The following TTLL4 variants were observed in gnomAD, a reference collection of about 807,000 sequenced individuals.
The protein encoded by TTLL4 is tubulin tyrosine ligase like 4.
A neutral mutation model predicts 122.7 loss-of-function variants in TTLL4; 85 were observed. The ratio of observed to expected loss-of-function variants is 0.69; its 90% confidence interval spans 0.58 to 0.83. TTLL4 has a LOEUF of 0.83. Among genes scored for constraint, TTLL4 ranks in the 40% least tolerant of loss-of-function variants. The probability of loss-of-function intolerance (pLI) is 0.00; values close to 1 mark genes in which losing one functional copy is unlikely to be tolerated. For synonymous variants in TTLL4, 553 were observed against 563.0 expected (o/e 0.98, Z 0.25); for missense variants, 1,363 against 1,488.6 (o/e 0.92, Z 1.39).
rs751921449 is a variant in TTLL4 at position 218,747,194 on chromosome 2, A to G, written c.2166A>G (p.Pro722=). Residue 722 remains proline (P), a splice_region_variant and synonymous_variant, in exon 9 of 20, where the codon CCA becomes CCG. Transcript: ENST00000392102. This position sits in a 1 kb window ranked among gnomAD's most constrained non-coding sequence, Gnocchi z 4.7. ...GCCGCCAAAAGTGGATTGTGAAGCC[A>G]GTGAGTGAATCACAGTGGGCAGGAG... ...SSSRQKWIVK[P]PASARGIGIQ... is the part of the protein sequence containing the mutation. 7 of 1,614,078 alleles carry G rather than the reference A, an allele frequency of 4.3e-6. No individual in the cohort carries two copies. Among genetic ancestry groups the G allele is most frequent in the Non-Finnish European group, 5.9e-6 (7 of 1,180,028 alleles).
downstream of TTLL4, among the ~76,000 whole-genome samples, chr2:218,758,981 C>T (rs1008789557): frequency 1.3e-5 from 2 of 152,212 alleles, no homozygotes; most frequent in African/African-American, 2.4e-5. Flanking sequence ...TGGTGGCTCA[C>T]GCCTATAATC....
intron 1 of TTLL4, among the ~76,000 whole-genome samples, chr2:218,716,171 T>G (rs924330875): frequency 1.3e-5 from 2 of 152,252 alleles, no homozygotes; most frequent in Non-Finnish European, 2.9e-5. Context: ...AATTCTAATT[T>G]TCTTTGGGAA....
chr2:218,753,774 T>A (rs6757772), intron 19 of TTLL4, 105 bp downstream of exon 19: 4 of 1,267,472 alleles, frequency 3.2e-6, no homozygotes, highest in Admixed American at 1.7e-5. Flanking sequence ...ATTCTCCAGC[T>A]GGGGGTTGGT....
intron 2 of TTLL4, among the ~76,000 whole-genome samples, chr2:218,733,040 C>T (rs1942422718): frequency 6.6e-6 from 1 of 152,084 alleles, no homozygotes; most frequent in Non-Finnish European, 1.5e-5. Context: ...TTGGTAATTC[C>T]TAACACAGCC....
chr2:218,753,211 G>C (rs1187591429), intron 18 of TTLL4, 26 bp downstream of exon 18: 1 of 1,613,604 alleles, frequency 6.2e-7, no homozygotes, highest in South Asian at 1.1e-5. Context: ...GTGGAGGACA[G>C]CTCCTTCTCA....
Position 218,754,567 on chromosome 2 carries a change from T to C in TTLL4, c.*178T>C, listed in dbSNP as rs1943113743. On this transcript the variant is annotated 3_prime_UTR_variant, in exon 20 of 20. Coordinates refer to ENST00000392102, the MANE Select transcript of TTLL4 (RefSeq NM_014640.5). ...ATTTGTAGGGCCGGAGGGATGGTAGTGATGGGGAGAAGGTGAGGAAGGGTC... is the reference window on the plus strand; with the variant it reads ...ATTTGTAGGGCCGGAGGGATGGTAGCGATGGGGAGAAGGTGAGGAAGGGTC... The C allele has an allele frequency of 3.6e-6, 3 of 835,234 alleles. No individual in the cohort carries two copies. Among genetic ancestry groups the C allele is most frequent in the Non-Finnish European group, 5.4e-6 (3 of 552,628 alleles). The allele number at this position is 835,234 out of a possible 1,614,324, so 51.7% of individuals were successfully genotyped here. A position where few individuals can be genotyped will look rare whatever the true frequency, so the allele number is the denominator to read the frequency against.
rs916111032 is a variant in TTLL4 at position 218,748,819 on chromosome 2, C to T, written c.2502-17C>T. The T allele has an allele frequency of 6.2e-7, 1 of 1,610,376 alleles. No homozygotes were observed. Among genetic ancestry groups the T allele is most frequent in the African/African-American group, 1.3e-5 (1 of 74,834 alleles). On this transcript the variant is annotated splice_polypyrimidine_tract_variant and intron_variant, in intron 12 of 19. Transcript: ENST00000392102. ...CCTAGAATTTAATTCCTAATACTTC[C>T]TCTTCCTCCTCTGCAGGGCACTGAA...
rs764119204 is a variant in TTLL4 at position 218,738,057 on chromosome 2, G to A, written c.381G>A (p.Pro127=). The change falls in exon 3 of 20, where the codon CCG becomes CCA. Residue 127 remains proline (P), a synonymous_variant. Coordinates refer to ENST00000392102, the MANE Select transcript of TTLL4 (RefSeq NM_014640.5). The part of the protein sequence containing the change: ...LYRRSSYRQK[P]YQQLESFCLR... ...GCCGCTCCAGCTATAGGCAAAAACC[G>A]TACCAGCAACTGGAGTCTTTCTGCT... 78 of 1,614,072 alleles carry A rather than the reference G, an allele frequency of 4.8e-5. 2 individuals are homozygous for A. The highest frequency in any genetic ancestry group is 3.3e-4 in the Middle Eastern group (2 of 6,062).
Position 218,739,159 on chromosome 2 carries a change from A to G in TTLL4, c.1483A>G (p.Ile495Val). 1.2e-6 allele frequency: 2 copies of G among 1,609,576 alleles called. No individual in the cohort carries two copies. Among genetic ancestry groups the G allele is most frequent in the Non-Finnish European group, 1.7e-6 (2 of 1,178,686 alleles). ...GGAGCTGGACTCATCTGATAGGGATATTAGGTATGTTGGCAATGTTTTTGG... is the reference window on the plus strand; with the variant it reads ...GGAGCTGGACTCATCTGATAGGGATGTTAGGTATGTTGGCAATGTTTTTGG... ...ARELDSSDRD[I>V]SSATDLQPDQ... The change falls in exon 3 of 20, where the codon ATT becomes GTT. Residue 495 changes from isoleucine to valine, a missense_variant. Physicochemically the swap from Ile to Val is conservative, Grantham distance 29 (BLOSUM62 3). Around this residue, in one of 3 missense-constraint regions of TTLL4, gnomAD observed 760 missense variants for 808.4 expected, o/e 0.94. Coordinates refer to ENST00000392102, the MANE Select transcript of TTLL4 (RefSeq NM_014640.5).
chr2:218,755,662 T>TA (rs1454486152), downstream of TTLL4, among the ~76,000 whole-genome samples: 1 of 152,198 alleles, frequency 6.6e-6, no homozygotes, highest in African/African-American at 2.4e-5. Flanking sequence ...CAGTGGCACA[T>TA]ATAAGAAGCC....
At chr2:218,742,342 A>G (rs1942725632) in intron 5 of TTLL4, among the ~76,000 whole-genome samples, 1 of 152,198 alleles carries the variant, frequency 6.6e-6, no homozygotes, top group Admixed American at 6.5e-5. Flanking sequence ...GATTGCTAAA[A>G]TCTTATTTTT....
chr2:218,726,669 C>G (rs1222954405), intron 1 of TTLL4, among the ~76,000 whole-genome samples: 4 of 152,034 alleles, frequency 2.6e-5, no homozygotes, highest in African/African-American at 7.2e-5. Context: ...GTTTCACTGT[C>G]TTGGCCAGGC....
chr2:218,749,086 G>A, intron 13 of TTLL4, 152 bp downstream of exon 13: 1 of 1,265,606 alleles, frequency 7.9e-7, no homozygotes. Flanking sequence ...AAGTTCTAAT[G>A]AACCTCATCC....
chr2:218,739,256 T>G, intron 3 of TTLL4, 93 bp downstream of exon 3: 1 of 1,450,652 alleles, frequency 6.9e-7, no homozygotes, highest in Non-Finnish European at 9.1e-7. Flanking sequence ...GAAGGTTGGT[T>G]TTATTTTTTA....
At chr2:218,722,059 A>T (rs1942058210) in intron 1 of TTLL4, among the ~76,000 whole-genome samples, 1 of 152,164 alleles carries the variant, frequency 6.6e-6, no homozygotes, top group Non-Finnish European at 1.5e-5. Flanking sequence ...AGGTGGGAGA[A>T]TCGCTTGAGC....
At chr2:218,732,936 A>C (rs1046106030) in intron 2 of TTLL4, among the ~76,000 whole-genome samples, 6 of 152,206 alleles carry the variant, frequency 3.9e-5, no homozygotes, top group African/African-American at 1.4e-4. Flanking sequence ...AGGTTGGAGC[A>C]TTTGTATGTG....
intron 2 of TTLL4, among the ~76,000 whole-genome samples, chr2:218,736,627 T>C (rs1375387380): frequency 1.3e-5 from 2 of 152,166 alleles, no homozygotes; most frequent in Non-Finnish European, 2.9e-5. Context: ...TAGTTCAATT[T>C]CCTTTCTTCT....
intron 1 of TTLL4, among the ~76,000 whole-genome samples, chr2:218,724,765 C>T (rs959462536): frequency 1.3e-5 from 2 of 151,976 alleles, no homozygotes; most frequent in Non-Finnish European, 2.9e-5. Context: ...CTCTTTCTTA[C>T]TGTTTTTGTA....
Position 218,753,149 on chromosome 2 carries a change from G to A in TTLL4, c.3222G>A (p.Gly1074=). The A allele has an allele frequency of 6.2e-7, 1 of 1,614,072 alleles. No individual in the cohort carries two copies. Among genetic ancestry groups the A allele is most frequent in the Non-Finnish European group, 8.5e-7 (1 of 1,180,008 alleles). ...TGCTCCGGAGTTGGTGCTACAAAGG[G>A]TTCCACATGGGAGTTGTCTCTGATT... ...VDLLRSWCYK[G]FHMGVVSDSA... is the part of the protein sequence containing the mutation. The change falls in exon 18 of 20, where the codon GGG becomes GGA. Residue 1074 remains glycine (G), a synonymous_variant. Coordinates refer to ENST00000392102, the MANE Select transcript of TTLL4 (RefSeq NM_014640.5).
Sources: allele counts gnomAD v4.1 joint callset (sites outside exome capture counted in the v4.1 genomes callset), GRCh38; gene constraint gnomAD v4.1.1; regional missense constraint gnomAD v4.1.1; non-coding constraint Gnocchi (gnomAD v3.1); transcripts MANE v1.5; gene names NCBI Gene and HGNC (gene_info 2026-07-23, HGNC 2026-07-21).